The following EPHB4 variants were observed in gnomAD, a reference collection of about 807,000 sequenced individuals.
EPHB4 encodes ephrin type-B receptor 4.
EPHB4 carries 50 observed loss-of-function variants against 110.6 expected under a neutral mutation model. The ratio of observed to expected loss-of-function variants is 0.45; its 90% CI spans 0.36 to 0.57. The LOEUF is 0.57. EPHB4 is among the 20% of genes least tolerant of loss of function. EPHB4 has a pLI of 0.00. For synonymous variants in EPHB4, 592 were observed against 578.4 expected (o/e 1.02, Z -0.34); for missense variants, 1,128 against 1,382.1 (o/e 0.82, Z 2.91).
intron 6 of EPHB4, 60 bp downstream of exon 6, chr7:100,819,497 C>G: frequency 6.6e-7 from 1 of 1,507,694 alleles, no homozygotes; most frequent in Non-Finnish European, 8.9e-7. Context: ...CTCTCCCCTT[C>G]AGGCCCTCAG....
chr7:100,803,663 C>A, intron 16 of EPHB4, 73 bp from the exon 17 acceptor site: 1 of 1,473,970 alleles, frequency 6.8e-7, no homozygotes. Flanking sequence ...GCTCCTGAGA[C>A]GGTCCTAGCC....
chr7:100,803,648 T>A lies in EPHB4; in HGVS notation c.2835-58A>T, dbSNP rs314348. 68 of 1,528,270 alleles carry A rather than the reference T, an allele frequency of 4.4e-5. 1 individual carries two copies. The African/African-American group carries it at 6.9e-4, about 16-fold the overall frequency. 94.7% of individuals were successfully genotyped at this position (1,528,270 alleles called of 1,614,324 possible). ...TAGGTTCCCTGTGGCCGCTCTCCTC[T>A]CTTGGCTCCTGAGACGGTCCTAGCC... On this transcript the variant is annotated intron_variant, in intron 16 of 16. Transcript: ENST00000358173.
chr7:100,826,892 A>G, intron 1 of EPHB4, 87 bp downstream of exon 1: 1 of 1,444,252 alleles, frequency 6.9e-7, no homozygotes. Flanking sequence ...GGGTAGTCAG[A>G]GGCCGGCCCC....
rs540368844 is a variant in EPHB4, at chr7:100,806,041, CCT to C, written c.2485-349_2485-348del. 1.1e-4 allele frequency: 31 copies of C among 280,724 alleles called. No individual in the cohort carries two copies. In the South Asian group the frequency reaches 1.5e-3, roughly 14 times the overall value. The allele number at this position is 280,724 out of a possible 1,614,324, so 17.4% of individuals were successfully genotyped here. A position where few individuals can be genotyped will look rare whatever the true frequency, so the allele number is the denominator to read the frequency against. On this transcript the variant is annotated intron_variant, in intron 14 of 16. Transcript: ENST00000358173. ...ATGGCGTGATCTCAGCTCACTGCAA[CCT>C]CTGTTCCTGGGTTCAAGCGATTATC...
At position 100,818,444 on chromosome 7, in the gene EPHB4, G is replaced by A. The variant is rs140230734; in HGVS notation, c.1422+76C>T. The stretch of plus-strand genomic sequence containing the variant: ...GCTGGAATTCAAATGCCTGCCAGGT[G>A]CCTGCAACCCAGGTGTCCCAGCCAG... On this transcript the variant is annotated intron_variant, in intron 7 of 16. Transcript: ENST00000358173. 2.3e-4 allele frequency: 364 copies of A among 1,567,934 alleles called. No individual in the cohort carries two copies. In the African/African-American group the frequency reaches 4.3e-3, roughly 19 times the overall value.
intron 3 of EPHB4, 57 bp downstream of exon 3, chr7:100,823,587 G>C (rs1813295250): frequency 6.3e-7 from 1 of 1,580,900 alleles, no homozygotes; most frequent in Non-Finnish European, 8.6e-7. Context: ...CAGGCCACGG[G>C]CCTGCTGGCT....
intron 12 of EPHB4, among the ~76,000 whole-genome samples, chr7:100,809,588 A>G (rs934719543): frequency 6.6e-6 from 1 of 152,152 alleles, no homozygotes; most frequent in Admixed American, 6.5e-5. Context: ...ATGATGGCTC[A>G]CTACAGCCTC....
In EPHB4 at chr7:100,827,448, C is replaced by A. The variant is rs1322142391; in HGVS notation, c.-418G>T. 6.6e-6 allele frequency: 1 copy of A among 150,396 alleles called. No individual in the cohort carries two copies. The highest frequency in any genetic ancestry group is 2.4e-5 in the African/African-American group (1 of 41,004). 9.3% of individuals were successfully genotyped at this position (150,396 alleles called of 1,614,324 possible). A position where few individuals can be genotyped will look rare whatever the true frequency, so the allele number is the denominator to read the frequency against. ...GGGATGGTGGGAGCCCGAGCGGGGACGGAGCGGGAGGGAGGGAGACTGCGG... is the reference window on the plus strand; with the variant it reads ...GGGATGGTGGGAGCCCGAGCGGGGAAGGAGCGGGAGGGAGGGAGACTGCGG... On this transcript the variant is annotated 5_prime_UTR_variant, in exon 1 of 17. Coordinates refer to ENST00000358173, the MANE Select transcript of EPHB4 (RefSeq NM_004444.5).
intron 3 of EPHB4, 122 bp downstream of exon 3, chr7:100,823,522 G>A (rs1322900690): frequency 1.5e-6 from 2 of 1,309,698 alleles, no homozygotes; most frequent in African/African-American, 3.0e-5. Flanking sequence ...TAAGCCTCCT[G>A]CTTCCAGCCC....
chr7:100,812,211 AAAG>A (rs968805806), intron 12 of EPHB4, among the ~76,000 whole-genome samples: 3 of 152,020 alleles, frequency 2.0e-5, no homozygotes, highest in African/African-American at 7.3e-5. Flanking sequence ...TTAAAAAAAA[AAAG>A]AAGGAATGAC....
In EPHB4 at chr7:100,813,679, T is replaced by C; in HGVS notation, c.1729A>G (p.Lys577Glu). 1 of 1,614,136 alleles carries C rather than the reference T, an allele frequency of 6.2e-7. No homozygotes were observed. The highest frequency in any genetic ancestry group is 8.5e-7 in the Non-Finnish European group (1 of 1,180,026). Reference protein sequence around the residue: ...SNGREAEYSDKHGQYLIGHGT... With the variant: ...SNGREAEYSDEHGQYLIGHGT... ...TGTCCGATGAGATACTGTCCGTGTTTGTCCGAATATTCTGCTTCTCTCCCA... is the reference window on the plus strand; with the variant it reads ...TGTCCGATGAGATACTGTCCGTGTTCGTCCGAATATTCTGCTTCTCTCCCA... Residue 577 changes from lysine to glutamate, a missense_variant, in exon 10 of 17, where the codon AAA (lysine) becomes GAA (glutamate). Around this residue, in one of 3 missense-constraint regions of EPHB4, gnomAD observed 728 missense variants for 828.6 expected, o/e 0.88. Coordinates refer to ENST00000358173, the MANE Select transcript of EPHB4 (RefSeq NM_004444.5).
At chr7:100,825,205 G>A (rs1813347035) in intron 1 of EPHB4, 2 of 152,094 alleles carry the variant, frequency 1.3e-5, no homozygotes. Context: ...GGGTGGGTGA[G>A]GCAGCCTCTT....
Position 100,819,951 on chromosome 7 carries a change from A to G in EPHB4, c.965-62T>C, listed in dbSNP as rs1381050415. On this transcript the variant is annotated intron_variant, in intron 5 of 16. Coordinates refer to ENST00000358173, the MANE Select transcript of EPHB4 (RefSeq NM_004444.5). ...GCTCTGCGGTGGTGGGGAGAGGGCA[A>G]TGGAGGCACCAGCAGCCATGCTGGA... 5.4e-6 allele frequency: 8 copies of G among 1,492,090 alleles called. No individual in the cohort carries two copies. In the Admixed American group the frequency reaches 1.1e-4, roughly 20 times the overall value. 92.4% of individuals were successfully genotyped at this position (1,492,090 alleles called of 1,614,324 possible).
At position 100,805,538 on chromosome 7, in the gene EPHB4, G is replaced by T; in HGVS notation, c.2641C>A (p.Pro881Thr). 6.6e-7 allele frequency: 1 copy of T among 1,526,248 alleles called. No homozygotes were observed. The highest frequency in any genetic ancestry group is 2.3e-5 in the East Asian group (1 of 44,048). The allele number at this position is 1,526,248 out of a possible 1,614,324, so 94.5% of individuals were successfully genotyped here. Reference sequence around the variant, plus strand: ...CGGGCCACGATTTTGAGGCTGGCGGGGTTCCGGATCATCTTGTCCAGGGCG... The same window carrying T: ...CGGGCCACGATTTTGAGGCTGGCGGTGTTCCGGATCATCTTGTCCAGGGCG... ...VSALDKMIRN[P>T]ASLKIVAREN... Residue 881 changes from proline (P) to threonine (T), a missense_variant, in exon 15 of 17, where the codon CCC becomes ACC. Pro to Thr is a conservative substitution (Grantham distance 38). Coordinates refer to ENST00000358173, the MANE Select transcript of EPHB4 (RefSeq NM_004444.5).
chr7:100,812,538 G>A (rs750695026), intron 12 of EPHB4, among the ~76,000 whole-genome samples: 2 of 151,828 alleles, frequency 1.3e-5, no homozygotes, highest in Non-Finnish European at 2.9e-5. Flanking sequence ...GCAATGAGCC[G>A]AGATCGCGCC....
rs754293421 is a variant in EPHB4 at position 100,806,572 on chromosome 7, G to A, written c.2335-3C>T. The A allele has an allele frequency of 3.1e-6, 5 of 1,611,896 alleles. No homozygotes were observed. The East Asian group carries it at 6.7e-5, about 22-fold the overall frequency. The stretch of plus-strand genomic sequence containing the variant: ...CATCGGATGGGAATCTTTCCTCCCT[G>A]CAGAAAAAGGAGAAAAGGTGAGCTG... On this transcript the variant is annotated splice_region_variant and splice_polypyrimidine_tract_variant and intron_variant, in intron 13 of 16. Transcript: ENST00000358173.
At chr7:100,810,180 G>A (rs1458206505) in intron 12 of EPHB4, among the ~76,000 whole-genome samples, 4 of 152,136 alleles carry the variant, frequency 2.6e-5, no homozygotes, top group Non-Finnish European at 4.4e-5. Flanking sequence ...AACCCAGGAG[G>A]CGGAGGTTGC....
intron 6 of EPHB4, 120 bp from the exon 7 acceptor site, chr7:100,818,764 G>A (rs901559728): frequency 1.0e-5 from 13 of 1,273,740 alleles, no homozygotes; most frequent in African/African-American, 9.0e-5. Context: ...GTGCAGTGGC[G>A]CAGTCTCAGC....
chr7:100,803,367 T>C lies in EPHB4; in HGVS notation c.*94A>G, dbSNP rs2116406828. ...CTCACCCCACGGGCTCAAAGTGCAA[T>C]CCAGCGGGGCACAGGGCTGGGGGCC... On this transcript the variant is annotated 3_prime_UTR_variant, in exon 17 of 17. Transcript: ENST00000358173. The C allele has an allele frequency of 7.5e-7, 1 of 1,336,742 alleles. No homozygotes were observed. Among genetic ancestry groups the C allele is most frequent in the East Asian group, 2.7e-5 (1 of 36,942 alleles). The allele number at this position is 1,336,742 out of a possible 1,614,324, so 82.8% of individuals were successfully genotyped here.
Sources: allele counts gnomAD v4.1 joint callset (sites outside exome capture counted in the v4.1 genomes callset), GRCh38; gene constraint gnomAD v4.1.1; regional missense constraint gnomAD v4.1.1; transcripts MANE v1.5; gene names NCBI Gene and HGNC (gene_info 2026-07-23, HGNC 2026-07-21).